HACL2: variants seen among roughly 807,000 people sequenced by gnomAD.
The protein encoded by HACL2 is 2-hydroxyacyl-CoA lyase 1 like.
the HACL2 span, chr19:15,116,296 G>A: frequency 6.2e-7 from 1 of 1,613,980 alleles, no homozygotes; most frequent in Non-Finnish European, 8.5e-7. Context: ...TTCAGGTGCT[G>A]GGCCACAGGC....
At chr19:15,115,619 C>T in the HACL2 span, 8 of 1,613,830 alleles carry the variant, frequency 5.0e-6, no homozygotes, top group East Asian at 8.9e-5. Flanking sequence ...CACCTGCTCC[C>T]GAGAAATCTG....
chr19:15,115,551 C>A, the HACL2 span: 1 of 1,608,478 alleles, frequency 6.2e-7, no homozygotes, highest in East Asian at 2.2e-5. Flanking sequence ...CCCAACCTCG[C>A]TGAGGCCCCC....
the HACL2 span, among the ~76,000 whole-genome samples, chr19:15,121,184 G>A: frequency 1.3e-5 from 2 of 152,090 alleles, no homozygotes; most frequent in African/African-American, 2.4e-5. Context: ...ACTTGAACCC[G>A]GGAGGTGGAG....
chr19:15,116,312 TG>T, the HACL2 span: 1 of 1,613,968 alleles, frequency 6.2e-7, no homozygotes, highest in Non-Finnish European at 8.5e-7. Flanking sequence ...CAGGCATCGC[TG>T]CCTTCTCCCT....
chr19:15,124,488 C>G, the HACL2 span: 1 of 163,210 alleles, frequency 6.1e-6, no homozygotes, highest in African/African-American at 2.4e-5. Context: ...AAGAACAGCA[C>G]CTACTTTCAA....
the HACL2 span, chr19:15,124,484 A>G: frequency 6.2e-6 from 1 of 162,182 alleles, no homozygotes; most frequent in African/African-American, 2.4e-5. Context: ...CAGAAAGAAC[A>G]GCACCTACTT....
At chr19:15,117,847 G>C in the HACL2 span, 1 of 1,612,832 alleles carries the variant, frequency 6.2e-7, no homozygotes, top group Non-Finnish European at 8.5e-7. Flanking sequence ...ACTGGGAGGA[G>C]CACATATGTG....
the HACL2 span, chr19:15,119,341 G>T: frequency 1.2e-6 from 2 of 1,604,840 alleles, no homozygotes; most frequent in Middle Eastern, 1.7e-4. Context: ...TGTGGCCGGG[G>T]CCTCCCGCCT....
chr19:15,122,064 ATT>A, the HACL2 span, among the ~76,000 whole-genome samples: 64,737 of 147,266 alleles, frequency 0.44, 14,266 homozygotes, highest in East Asian at 0.59. The surrounding 1 kb of genome is among the most constrained non-coding windows in gnomAD (Gnocchi z 4.0). Flanking sequence ...CGCCCGGCTA[ATT>A]TTTTTTTTTT....
the HACL2 span, among the ~76,000 whole-genome samples, chr19:15,121,026 T>C: frequency 6.6e-6 from 1 of 152,174 alleles, no homozygotes; most frequent in East Asian, 1.9e-4. Context: ...AGGGACTGAC[T>C]GGGAAGCCAG....
chr19:15,115,862 G>A, the HACL2 span: 15 of 1,613,968 alleles, frequency 9.3e-6, no homozygotes, highest in Admixed American at 1.0e-4. Context: ...TGTGTCTGAC[G>A]AATGTATCAA....
At chr19:15,116,136 G>A in the HACL2 span, 27 of 1,612,992 alleles carry the variant, frequency 1.7e-5, no homozygotes, top group Middle Eastern at 1.6e-4. Flanking sequence ...TGCCCCAGGC[G>A]GGGGCCCTTC....
At chr19:15,123,314 CCTCACAGACACTCTAG>C in the HACL2 span, 1 of 1,604,758 alleles carries the variant, frequency 6.2e-7, no homozygotes, top group East Asian at 2.2e-5. The surrounding 1 kb of genome is among the most constrained non-coding windows in gnomAD (Gnocchi z 5.1). Flanking sequence ...AAACCCCTAC[CCTCACAGACACTCTAG>C]CCCACAGTCC....
the HACL2 span, chr19:15,116,164 A>G: frequency 6.2e-7 from 1 of 1,613,510 alleles, no homozygotes; most frequent in Non-Finnish European, 8.5e-7. Flanking sequence ...GGATCGAGCC[A>G]GCGCAGGGGG....
the HACL2 span, chr19:15,124,952 C>T: frequency 1.9e-6 from 3 of 1,608,172 alleles, no homozygotes; most frequent in Non-Finnish European, 2.5e-6. Flanking sequence ...AGAAGAGCCC[C>T]AGGCGGTGAG....
chr19:15,119,229 G>A, the HACL2 span: 3 of 1,609,116 alleles, frequency 1.9e-6, no homozygotes, highest in South Asian at 3.3e-5. Flanking sequence ...ATGTGGAGGG[G>A]GTGGTTGCGG....
the HACL2 span, among the ~76,000 whole-genome samples, chr19:15,122,180 C>G: frequency 6.6e-6 from 1 of 151,096 alleles, no homozygotes; most frequent in African/African-American, 2.4e-5. The surrounding 1 kb of genome is among the most constrained non-coding windows in gnomAD (Gnocchi z 4.0). Context: ...GCTGGGATTA[C>G]AAGTGAGAGC....
At chr19:15,120,136 T>A in the HACL2 span, 3 of 1,153,066 alleles carry the variant, frequency 2.6e-6, no homozygotes, top group African/African-American at 3.1e-5. Flanking sequence ...ACTACAAGGA[T>A]TCCAGGATCT....
At chr19:15,120,014 G>A in the HACL2 span, 1 of 1,550,624 alleles carries the variant, frequency 6.4e-7, no homozygotes, top group Admixed American at 2.0e-5. Flanking sequence ...ATGTCCAGGG[G>A]CAGCGGTCCC....
Sources: gnomAD v4.1 joint callset for allele counts (sites outside exome capture counted in the v4.1 genomes callset) on GRCh38, gnomAD v4.1.1 for gene constraint, Gnocchi (gnomAD v3.1) non-coding constraint, MANE v1.5 for transcripts, NCBI Gene and HGNC (gene_info 2026-07-23, HGNC 2026-07-21) for gene names.